Variants in NKAIN3 observed in about 807,000 individuals in gnomAD.
NKAIN3 encodes the protein sodium/potassium-transporting ATPase subunit beta-1-interacting protein 3.
In NKAIN3, 25 loss-of-function variants were observed where a neutral mutation model predicts 30.2. That is an observed-to-expected ratio of 0.83 (90% CI 0.60 to 1.16). NKAIN3 has a LOEUF of 1.16. Among genes scored for constraint, NKAIN3 ranks in the 50% most tolerant of loss-of-function variants. The pLI is 0.00. For missense variants in NKAIN3, 225 were observed against 254.1 expected, an observed-to-expected ratio of 0.89 and a Z score of 0.78; for synonymous variants, 91 against 89.6, an observed-to-expected ratio of 1.02 and a Z score of -0.09.
chr8:62,878,717 T>G (rs189709842), intron 4 of NKAIN3, among the ~76,000 whole-genome samples: 1 of 140,628 alleles, frequency 7.1e-6, no homozygotes, highest in Admixed American at 7.6e-5. Flanking sequence ...CTGTGTCCTG[T>G]GTTCTCATTG....
intron 4 of NKAIN3, among the ~76,000 whole-genome samples, chr8:62,756,982 G>A (rs1280866995): frequency 6.6e-6 from 1 of 152,052 alleles, no homozygotes; most frequent in Non-Finnish European, 1.5e-5. Context: ...ATTATTAAAT[G>A]CAAACATGAG....
At chr8:62,431,602 C>T (rs1026423479) in intron 1 of NKAIN3, among the ~76,000 whole-genome samples, 5 of 151,658 alleles carry the variant, frequency 3.3e-5, no homozygotes. Context: ...ACAAAATGAA[C>T]CAAATAACAT....
At chr8:62,481,953 C>T (rs1015517512) in intron 1 of NKAIN3, among the ~76,000 whole-genome samples, 7 of 152,204 alleles carry the variant, frequency 4.6e-5, no homozygotes, top group African/African-American at 1.4e-4. Flanking sequence ...CACCAGCCCA[C>T]AAAACCCAAT....
intron 4 of NKAIN3, among the ~76,000 whole-genome samples, chr8:62,888,547 A>G (rs1821213803): frequency 6.6e-6 from 1 of 152,158 alleles, no homozygotes; most frequent in Admixed American, 6.5e-5. Flanking sequence ...TTTTGGGAGC[A>G]GTGGTTTGCC....
At chr8:62,509,611 A>G (rs1807758211) in intron 1 of NKAIN3, among the ~76,000 whole-genome samples, 1 of 152,162 alleles carries the variant, frequency 6.6e-6, no homozygotes, top group Non-Finnish European at 1.5e-5. Context: ...CTAAATTGCC[A>G]TGAGACACGG....
At chr8:62,438,446 G>A (rs987105018) in intron 1 of NKAIN3, among the ~76,000 whole-genome samples, 3 of 152,136 alleles carry the variant, frequency 2.0e-5, no homozygotes, top group Admixed American at 6.6e-5. Context: ...GCTCCTGGGG[G>A]CACTTGTGAG....
chr8:62,956,109 A>T (rs1027129959), intron 6 of NKAIN3, among the ~76,000 whole-genome samples: 1 of 152,226 alleles, frequency 6.6e-6, no homozygotes, highest in African/African-American at 2.4e-5. Flanking sequence ...ACCAGTATGC[A>T]AATATTTCAG....
At chr8:62,441,648 G>A (rs1451838) in intron 1 of NKAIN3, among the ~76,000 whole-genome samples, 63,956 of 151,646 alleles carry the variant, frequency 0.42, 15,324 homozygotes, top group Non-Finnish European at 0.53. Flanking sequence ...TTAAGAATGT[G>A]CCTGTTAACT....
At chr8:62,989,049 G>A (rs1180859955), downstream of NKAIN3, among the ~76,000 whole-genome samples, 4 of 152,156 alleles carry the variant, frequency 2.6e-5, no homozygotes, top group Non-Finnish European at 5.9e-5. Context: ...TTCCCAACAA[G>A]TTCCTTATCT....
chr8:62,299,103 C>G (rs1465052425), intron 1 of NKAIN3, among the ~76,000 whole-genome samples: 2 of 151,874 alleles, frequency 1.3e-5, no homozygotes, highest in African/African-American at 4.8e-5. Context: ...GTTAAATAAG[C>G]CCATGCTTCT....
intron 4 of NKAIN3, among the ~76,000 whole-genome samples, chr8:62,804,419 A>G (rs1026794467): frequency 2.0e-5 from 3 of 152,134 alleles, no homozygotes; most frequent in African/African-American, 4.8e-5. Flanking sequence ...CTGGCAAACC[A>G]AATCCAGCAG....
At chr8:62,553,837 C>T (rs759348117) in intron 1 of NKAIN3, among the ~76,000 whole-genome samples, 2 of 152,070 alleles carry the variant, frequency 1.3e-5, no homozygotes, top group Non-Finnish European at 2.9e-5. Context: ...CACACCTGGC[C>T]CTGAACACAT....
chr8:62,780,870 A>G (rs1310095585), intron 4 of NKAIN3, among the ~76,000 whole-genome samples: 1 of 152,064 alleles, frequency 6.6e-6, no homozygotes, highest in Non-Finnish European at 1.5e-5. Flanking sequence ...TCTTCTAAGA[A>G]CTGTAACAAG....
chr8:62,784,791 A>C (rs1817463503), intron 4 of NKAIN3, among the ~76,000 whole-genome samples: 1 of 152,148 alleles, frequency 6.6e-6, no homozygotes, highest in African/African-American at 2.4e-5. Flanking sequence ...CCAAGGCCAC[A>C]AAAAGACGTC....
chr8:62,607,176 A>G (rs1811154997), intron 3 of NKAIN3, among the ~76,000 whole-genome samples: 1 of 152,168 alleles, frequency 6.6e-6, no homozygotes, highest in Non-Finnish European at 1.5e-5. Flanking sequence ...TTTACAGAAA[A>G]GATTAGGCCA....
chr8:62,877,450 C>T (rs542657414), intron 4 of NKAIN3, among the ~76,000 whole-genome samples: 1 of 152,284 alleles, frequency 6.6e-6, no homozygotes, highest in Admixed American at 6.5e-5. Flanking sequence ...GACTGCACTT[C>T]CCTTCAGGGA....
chr8:62,914,152 A>G lies in NKAIN3; in HGVS notation c.472-4301A>G, dbSNP rs1586341504. ...TTGTGGTACATATACTCCATGGAAT[A>G]CTATGCAACCATAAAAAATAACGAA... On this transcript the variant is annotated intron_variant, in intron 4 of 6. Transcript: ENST00000623646. 3.3e-5 allele frequency among the ~76,000 whole-genome samples: 5 copies of G among 152,360 alleles called. No homozygotes were observed. The South Asian group carries it at 1.0e-3, about 32-fold the overall frequency.
Position 62,276,950 on chromosome 8 carries a change from A to G in NKAIN3, c.54+27823A>G, listed in dbSNP as rs117400367. Among the ~76,000 whole-genome samples, 426 of 152,222 alleles carry G rather than the reference A, an allele frequency of 2.8e-3. 13 individuals carry two copies. In the East Asian group the frequency reaches 0.07, roughly 25 times the overall value. ...TGTTTAATTTTTCCTAGAACTCTAT[A>G]CTTTTACCATATAAGATTCTAAACT... On this transcript the variant is annotated intron_variant, in intron 1 of 6. Coordinates refer to ENST00000623646, the MANE Select transcript of NKAIN3 (RefSeq NM_001304533.3).
chr8:62,338,996 C>T (rs573895950), intron 1 of NKAIN3, among the ~76,000 whole-genome samples: 3 of 152,102 alleles, frequency 2.0e-5, no homozygotes, highest in African/African-American at 7.2e-5. Flanking sequence ...TATTAACCAT[C>T]ACAGCTCTTG....
Sources: allele counts gnomAD v4.1 joint callset (sites outside exome capture counted in the v4.1 genomes callset), GRCh38; gene constraint gnomAD v4.1.1; transcripts MANE v1.5; gene names NCBI Gene and HGNC (gene_info 2026-07-23, HGNC 2026-07-21).